ARL15: variants seen among roughly 807,000 people sequenced by gnomAD.
ARL15 encodes ADP-ribosylation factor-like protein 15.
ARL15 carries 19 observed loss-of-function variants against 25.2 expected under a neutral mutation model. The observed-to-expected ratio is 0.75, with a 90% confidence interval of 0.53 to 1.10. ARL15 has a LOEUF of 1.10. Ranked by LOEUF, ARL15 falls within the 50% of genes least tolerant of loss-of-function variation. ARL15 has a pLI of 0.00. For missense variants in ARL15, 220 were observed against 246.0 expected, an observed-to-expected ratio of 0.89 and a Z score of 0.71; for synonymous variants, 94 against 86.8, an observed-to-expected ratio of 1.08 and a Z score of -0.46.
intron 4 of ARL15, among the ~76,000 whole-genome samples, chr5:53,910,152 A>G (rs1021176708): frequency 6.6e-6 from 1 of 152,212 alleles, no homozygotes; most frequent in Non-Finnish European, 1.5e-5. Flanking sequence ...CAATGTTTAT[A>G]TGTGGATTTT....
intron 3 of ARL15, among the ~76,000 whole-genome samples, chr5:54,146,418 A>G (rs1278270317): frequency 6.6e-6 from 1 of 152,204 alleles, no homozygotes; most frequent in Non-Finnish European, 1.5e-5. Context: ...CTGCTGGAAA[A>G]AAAAATAAGT....
At chr5:54,124,063 G>T (rs1008261560) in intron 3 of ARL15, among the ~76,000 whole-genome samples, 3 of 152,132 alleles carry the variant, frequency 2.0e-5, no homozygotes, top group Admixed American at 1.3e-4. Flanking sequence ...TTTGAATGAT[G>T]TTACACCTAC....
At chr5:54,267,549 A>G (rs531517014) in intron 1 of ARL15, among the ~76,000 whole-genome samples, 1 of 152,344 alleles carries the variant, frequency 6.6e-6, no homozygotes, top group East Asian at 1.9e-4. Flanking sequence ...TGTTATAAAT[A>G]TCCAGATTTA....
chr5:54,180,478 C>G (rs1345277540), intron 1 of ARL15, among the ~76,000 whole-genome samples: 2 of 152,172 alleles, frequency 1.3e-5, no homozygotes, highest in Non-Finnish European at 2.9e-5. Flanking sequence ...CCAGACACAG[C>G]CCAGCTGAAG....
rs1348308616 is a variant in ARL15, at chr5:53,888,143, T to A, written c.463-1430A>T. Among the ~76,000 whole-genome samples, 6 of 152,192 alleles carry A rather than the reference T, an allele frequency of 3.9e-5. No individual in the cohort carries two copies. The South Asian group carries it at 1.2e-3, about 32-fold the overall frequency. ...CATTAATTCTGATTCTGAAGAGTAA[T>A]GAACACCTCACTTGCAGATCAGAAA... On this transcript the variant is annotated intron_variant, in intron 4 of 4. Transcript: ENST00000504924.
intron 1 of ARL15, among the ~76,000 whole-genome samples, chr5:54,231,996 G>A (rs1247867138): frequency 2.6e-5 from 4 of 152,216 alleles, no homozygotes; most frequent in South Asian, 2.1e-4. Flanking sequence ...AGCAGTCTAC[G>A]CTGCGGCCAC....
chr5:54,292,738 G>A (rs752100746), intron 1 of ARL15, among the ~76,000 whole-genome samples: 7 of 152,094 alleles, frequency 4.6e-5, no homozygotes, highest in Non-Finnish European at 1.0e-4. Flanking sequence ...TATGCGCTAG[G>A]TATTTTTATA....
intron 1 of ARL15, among the ~76,000 whole-genome samples, chr5:54,233,526 A>G (rs1339382763): frequency 2.0e-5 from 3 of 152,264 alleles, no homozygotes; most frequent in Non-Finnish European, 4.4e-5. Flanking sequence ...GAAGATTTAC[A>G]TAACTAGATG....
chr5:54,006,517 C>CT (rs1749050976), intron 4 of ARL15, among the ~76,000 whole-genome samples: 2 of 151,678 alleles, frequency 1.3e-5, no homozygotes, highest in South Asian at 4.2e-4. Context: ...ATATGACTCC[C>CT]TAATCATGCT....
At chr5:54,216,902 C>A (rs1317285128) in intron 1 of ARL15, among the ~76,000 whole-genome samples, 3 of 152,128 alleles carry the variant, frequency 2.0e-5, no homozygotes, top group African/African-American at 7.2e-5. Context: ...TGTTTTATCT[C>A]TTTCTATTCT....
rs535576456 is a variant in ARL15, at chr5:54,089,601, C to T, written c.462+23601G>A. 2.3e-4 allele frequency among the ~76,000 whole-genome samples: 35 copies of T among 152,248 alleles called. 1 individual carries two copies. In the South Asian group the frequency reaches 6.6e-3, roughly 29 times the overall value. On this transcript the variant is annotated intron_variant, in intron 4 of 4. Coordinates refer to ENST00000504924, the MANE Select transcript of ARL15 (RefSeq NM_019087.3). ...TAAATATCCCACAGAAAACATCACA[C>T]TTAAAGGAAAAATGTTGAAAGCACT...
chr5:54,267,003 C>T (rs547416289), intron 1 of ARL15, among the ~76,000 whole-genome samples: 1 of 152,312 alleles, frequency 6.6e-6, no homozygotes, highest in African/African-American at 2.4e-5. Flanking sequence ...GCAGCAGAAT[C>T]ATCTGGATAT....
chr5:54,305,375 CT>C (rs1039954372), intron 1 of ARL15, among the ~76,000 whole-genome samples: 1 of 152,038 alleles, frequency 6.6e-6, no homozygotes, highest in African/African-American at 2.4e-5. Flanking sequence ...TGGTGGGCAC[CT>C]GTAATCCCAG....
At chr5:54,094,444 A>C (rs1448983718) in intron 4 of ARL15, among the ~76,000 whole-genome samples, 1 of 152,072 alleles carries the variant, frequency 6.6e-6, no homozygotes, top group Non-Finnish European at 1.5e-5. Flanking sequence ...AAAACCAGTA[A>C]TGATATAGAG....
chr5:54,303,351 G>A (rs1460229902), intron 1 of ARL15, among the ~76,000 whole-genome samples: 1 of 151,956 alleles, frequency 6.6e-6, no homozygotes, highest in Non-Finnish European at 1.5e-5. Context: ...GTGAAACCCC[G>A]TCTCTACCAA....
At chr5:54,214,401 C>T (rs1396342735) in intron 1 of ARL15, among the ~76,000 whole-genome samples, 1 of 152,122 alleles carries the variant, frequency 6.6e-6, no homozygotes, top group Non-Finnish European at 1.5e-5. Flanking sequence ...GATGAAAGAA[C>T]TTCCTTTGAA....
At chr5:54,254,291 G>A (rs982613124) in intron 1 of ARL15, among the ~76,000 whole-genome samples, 2 of 152,028 alleles carry the variant, frequency 1.3e-5, no homozygotes, top group Non-Finnish European at 2.9e-5. Flanking sequence ...TGTAACCTTG[G>A]GTACTTGCTA....
At chr5:54,307,575 A>G (rs759655821) in intron 1 of ARL15, among the ~76,000 whole-genome samples, 1 of 152,202 alleles carries the variant, frequency 6.6e-6, no homozygotes, top group Non-Finnish European at 1.5e-5. Context: ...CATTTGTTTT[A>G]AGAAATCAAC....
intron 3 of ARL15, among the ~76,000 whole-genome samples, chr5:54,151,632 G>A (rs1754071347): frequency 6.6e-6 from 1 of 152,092 alleles, no homozygotes; most frequent in South Asian, 2.1e-4. Flanking sequence ...AAATTGGTAA[G>A]AGGAAATAAT....
Sources: gnomAD v4.1 joint callset for allele counts (sites outside exome capture counted in the v4.1 genomes callset) on GRCh38, gnomAD v4.1.1 for gene constraint, MANE v1.5 for transcripts, NCBI Gene and HGNC (gene_info 2026-07-23, HGNC 2026-07-21) for gene names.